The following SNTB1 variants were observed in gnomAD, a reference collection of about 807,000 sequenced individuals.
SNTB1 encodes beta-1-syntrophin.
A neutral mutation model predicts 48.9 loss-of-function variants in SNTB1; 36 were observed. The observed-to-expected ratio is 0.74, with a 90% CI of 0.56 to 0.97. The LOEUF is 0.97. Ranked by LOEUF, SNTB1 falls within the 50% of genes least tolerant of loss-of-function variation. The pLI is 0.00. For synonymous variants in SNTB1, 299 were observed against 294.6 expected (o/e 1.01, Z -0.15); for missense variants, 786 against 703.4 (o/e 1.12, Z -1.33).
chr8:120,689,868 A>C (rs1336974800), intron 2 of SNTB1, among the ~76,000 whole-genome samples: 1 of 152,150 alleles, frequency 6.6e-6, no homozygotes, highest in Non-Finnish European at 1.5e-5. Context: ...TTTCTTTGTG[A>C]CCTGATCTGT....
intron 2 of SNTB1, among the ~76,000 whole-genome samples, chr8:120,692,861 C>T (rs896953356): frequency 3.3e-5 from 5 of 152,108 alleles, no homozygotes; most frequent in African/African-American, 1.2e-4. Flanking sequence ...GAAGGTTTTC[C>T]TGTACTGAGC....
At chr8:120,646,213 T>C (rs1817294893) in intron 2 of SNTB1, among the ~76,000 whole-genome samples, 2 of 131,838 alleles carry the variant, frequency 1.5e-5, no homozygotes, top group African/African-American at 5.6e-5. Flanking sequence ...TGAATAGGAG[T>C]GGTGAGAGAG....
chr8:120,811,984 G>A lies in SNTB1; in HGVS notation c.-141C>T. ...GTGGCGGCACGCGGGACTCCGCTCC[G>A]GGAGTTCGCAGACGCACTCGGCGGG... On this transcript the variant is annotated 5_prime_UTR_variant, in exon 1 of 7. Transcript: ENST00000517992. 7.9e-7 allele frequency: 1 copy of A among 1,270,984 alleles called. No individual in the cohort carries two copies. The highest frequency in any genetic ancestry group is 9.9e-7 in the Non-Finnish European group (1 of 1,014,066). 78.7% of individuals were successfully genotyped at this position (1,270,984 alleles called of 1,614,324 possible).
intron 3 of SNTB1, among the ~76,000 whole-genome samples, chr8:120,617,661 G>C (rs1816736485): frequency 6.6e-6 from 1 of 152,150 alleles, no homozygotes; most frequent in African/African-American, 2.4e-5. Context: ...GTGTTTTGTT[G>C]GTCAGCCTTG....
At chr8:120,673,774 C>A (rs921405964) in intron 2 of SNTB1, among the ~76,000 whole-genome samples, 3 of 152,038 alleles carry the variant, frequency 2.0e-5, no homozygotes, top group African/African-American at 7.3e-5. Context: ...CCCATGCCAA[C>A]CTCTCCTCCC....
chr8:120,574,665 T>C (rs1380318406), intron 4 of SNTB1, among the ~76,000 whole-genome samples: 1 of 152,214 alleles, frequency 6.6e-6, no homozygotes, highest in Non-Finnish European at 1.5e-5. Context: ...TGAGATTTCC[T>C]GCTGAACAAG....
chr8:120,782,636 A>C (rs1819850089), intron 1 of SNTB1, among the ~76,000 whole-genome samples: 1 of 152,186 alleles, frequency 6.6e-6, no homozygotes, highest in South Asian at 2.1e-4. Flanking sequence ...AAAATGTTAT[A>C]GTATAAACGT....
intron 3 of SNTB1, among the ~76,000 whole-genome samples, chr8:120,626,129 G>A (rs527502481): frequency 6.6e-6 from 1 of 152,058 alleles, no homozygotes; most frequent in Admixed American, 6.6e-5. Context: ...CCTAGAATTG[G>A]GGGGGATGAG....
At chr8:120,559,680 A>C (rs1396231553) in intron 4 of SNTB1, among the ~76,000 whole-genome samples, 1 of 152,204 alleles carries the variant, frequency 6.6e-6, no homozygotes, top group Non-Finnish European at 1.5e-5. Context: ...AATCCCCAAA[A>C]ACCTGTCTTT....
intron 5 of SNTB1, among the ~76,000 whole-genome samples, chr8:120,548,060 CCTT>C (rs1303938079): frequency 6.6e-6 from 1 of 152,134 alleles, no homozygotes; most frequent in Non-Finnish European, 1.5e-5. Context: ...GTTCCCTCCT[CCTT>C]TCAGTAATGA....
rs529925403 is a variant in SNTB1 at position 120,657,334 on chromosome 8, G to A, written c.789-24683C>T. 2.6e-5 allele frequency among the ~76,000 whole-genome samples: 4 copies of A among 152,244 alleles called. No homozygotes were observed. The South Asian group carries it at 6.2e-4, about 24-fold the overall frequency. ...TGCAAGTTACCAAGTTTTCTCAGTG[G>A]AGTTGGGGCAATCACTAACCTAGGA... On this transcript the variant is annotated intron_variant, in intron 2 of 6. Coordinates refer to ENST00000517992, the MANE Select transcript of SNTB1 (RefSeq NM_021021.4).
At chr8:120,798,033 G>A (rs1309480921) in intron 1 of SNTB1, among the ~76,000 whole-genome samples, 2 of 151,886 alleles carry the variant, frequency 1.3e-5, no homozygotes, top group Admixed American at 1.3e-4. Context: ...TTGCTACAAA[G>A]CACGAAAAAA....
At chr8:120,554,700 A>C (rs952636384) in intron 4 of SNTB1, among the ~76,000 whole-genome samples, 3 of 152,166 alleles carry the variant, frequency 2.0e-5, no homozygotes, top group Admixed American at 1.3e-4. Context: ...CTAACACCTA[A>C]TGCCCGCAGG....
intron 2 of SNTB1, among the ~76,000 whole-genome samples, chr8:120,640,656 G>A (rs577756323): frequency 1.3e-4 from 20 of 152,090 alleles, no homozygotes; most frequent in Non-Finnish European, 2.1e-4. Flanking sequence ...TTTGTCTTTG[G>A]TTCTGTTTAT....
rs143055650 is a variant in SNTB1 at position 120,607,821 on chromosome 8, A to G, written c.996+24623T>C. On this transcript the variant is annotated intron_variant, in intron 3 of 6. Coordinates refer to ENST00000517992, the MANE Select transcript of SNTB1 (RefSeq NM_021021.4). ...ATAGCTGAGTGCTACAGAACTCCAC[A>G]GGTGGTTCCTGCAAGGTGAAATGTT... Among the ~76,000 whole-genome samples the G allele has an allele frequency of 7.4e-3, 1,121 of 152,342 alleles. 11 individuals carry two copies. Among genetic ancestry groups the G allele is most frequent in the African/African-American group, 0.025 (1,037 of 41,582 alleles).
intron 1 of SNTB1, among the ~76,000 whole-genome samples, chr8:120,782,792 C>A (rs962341148): frequency 2.6e-5 from 4 of 152,160 alleles, no homozygotes; most frequent in Non-Finnish European, 5.9e-5. Flanking sequence ...GAAATCTGAG[C>A]ACCTCAAACT....
At chr8:120,740,903 G>GT (rs919513846) in intron 1 of SNTB1, among the ~76,000 whole-genome samples, 6 of 152,164 alleles carry the variant, frequency 3.9e-5, no homozygotes, top group Admixed American at 3.9e-4. Flanking sequence ...CTAGGAAGTG[G>GT]TTACAATGAT....
At chr8:120,778,221 C>A (rs955523953) in intron 1 of SNTB1, among the ~76,000 whole-genome samples, 1 of 152,220 alleles carries the variant, frequency 6.6e-6, no homozygotes, top group Non-Finnish European at 1.5e-5. Context: ...TTCCCAGGAA[C>A]ATTTCTTCCT....
At chr8:120,584,318 T>C (rs563295333) in intron 3 of SNTB1, among the ~76,000 whole-genome samples, 3 of 151,546 alleles carry the variant, frequency 2.0e-5, no homozygotes, top group Non-Finnish European at 4.4e-5. Flanking sequence ...GGTGGGTGCC[T>C]GTAGTCCCAA....
Sources: allele counts gnomAD v4.1 joint callset (sites outside exome capture counted in the v4.1 genomes callset), GRCh38; gene constraint gnomAD v4.1.1; transcripts MANE v1.5; gene names NCBI Gene and HGNC (gene_info 2026-07-23, HGNC 2026-07-21).